The following RANBP2 variants were observed in gnomAD, a reference collection of about 807,000 sequenced individuals.
RANBP2 encodes E3 SUMO-protein ligase RanBP2.
Under a neutral mutation model 303.6 loss-of-function variants are expected in RANBP2, and 57 were observed. The ratio of observed to expected loss-of-function variants is 0.19; its 90% CI spans 0.15 to 0.23. The LOEUF is 0.23. RANBP2 is among the 10% of genes least tolerant of loss of function. The probability of loss-of-function intolerance (pLI) is 1.00; values close to 1 mark genes in which losing one functional copy is unlikely to be tolerated. For synonymous variants in RANBP2, 1,167 were observed against 1,301.5 expected, an observed-to-expected ratio of 0.90 and a Z score of 2.23; for missense variants, 3,138 against 3,780.8, an observed-to-expected ratio of 0.83 and a Z score of 4.46.
At chr2:109,165,855 G>T in the RANBP2 span, among the ~76,000 whole-genome samples, 1 of 152,208 alleles carries the variant, frequency 6.6e-6, no homozygotes, top group African/African-American at 2.4e-5. Context: ...TAGACATTCA[G>T]TGCTCTACGT....
At chr2:109,554,829 C>G in the RANBP2 span, among the ~76,000 whole-genome samples, 130 of 152,194 alleles carry the variant, frequency 8.5e-4, 1 homozygote, top group South Asian at 0.026. Flanking sequence ...AAATATGAAG[C>G]CACCCGTGTT....
At chr2:109,018,263 G>C in the RANBP2 span, among the ~76,000 whole-genome samples, 1 of 152,166 alleles carries the variant, frequency 6.6e-6, no homozygotes, top group African/African-American at 2.4e-5. Context: ...AACAGACCCA[G>C]CACTTAAGAT....
the RANBP2 span, among the ~76,000 whole-genome samples, chr2:109,195,145 A>T: frequency 1.7e-3 from 254 of 152,332 alleles, no homozygotes; most frequent in African/African-American, 5.7e-3. Context: ...ACTAATAGGA[A>T]AAAAAGGACA....
chr2:109,414,814 G>A, the RANBP2 span, among the ~76,000 whole-genome samples: 5 of 152,188 alleles, frequency 3.3e-5, no homozygotes, highest in South Asian at 2.1e-4. Flanking sequence ...CTAGAAACTC[G>A]GCCCATGCTC....
intron 6 of RANBP2, among the ~76,000 whole-genome samples, chr2:108,738,232 C>T (rs1695782318): frequency 6.6e-6 from 1 of 151,154 alleles, no homozygotes; most frequent in South Asian, 2.1e-4. Flanking sequence ...CCCGCCACCA[C>T]ACCCAGCTAA....
At chr2:109,258,597 C>A in the RANBP2 span, among the ~76,000 whole-genome samples, 1 of 152,224 alleles carries the variant, frequency 6.6e-6, no homozygotes, top group East Asian at 1.9e-4. Flanking sequence ...CGCAATTCCC[C>A]AGGCCGGGCC....
the RANBP2 span, among the ~76,000 whole-genome samples, chr2:109,113,344 C>T: frequency 6.6e-6 from 1 of 151,648 alleles, no homozygotes; most frequent in Non-Finnish European, 1.5e-5. Flanking sequence ...TGAAGAGGTC[C>T]TTCACGTCCC....
the RANBP2 span, among the ~76,000 whole-genome samples, chr2:109,688,884 C>A: frequency 6.7e-6 from 1 of 148,594 alleles, no homozygotes; most frequent in Non-Finnish European, 1.5e-5. Flanking sequence ...ATTTTCCTTC[C>A]TTCCTTCCTT....
the RANBP2 span, among the ~76,000 whole-genome samples, chr2:109,357,943 A>G: frequency 6.6e-6 from 1 of 152,274 alleles, no homozygotes; most frequent in African/African-American, 2.4e-5. Flanking sequence ...CTAAGCCTAT[A>G]GTCACTCTTG....
At chr2:109,545,396 A>G in the RANBP2 span, 1 of 1,535,140 alleles carries the variant, frequency 6.5e-7, no homozygotes, top group East Asian at 2.4e-5. Flanking sequence ...CCAAACCTAC[A>G]CGCCTTGCGA....
chr2:109,464,679 G>T, the RANBP2 span, among the ~76,000 whole-genome samples: 1 of 152,048 alleles, frequency 6.6e-6, no homozygotes, highest in Non-Finnish European at 1.5e-5. Context: ...ACAAATTTAG[G>T]TTCAGAGAAA....
At chr2:108,790,599 G>A (rs1299400650), downstream of RANBP2, among the ~76,000 whole-genome samples, 1 of 152,216 alleles carries the variant, frequency 6.6e-6, no homozygotes, top group African/African-American at 2.4e-5. Flanking sequence ...CTACTCGGGA[G>A]GCTGAGACAG....
chr2:109,075,205 C>T, the RANBP2 span, among the ~76,000 whole-genome samples: 1 of 149,482 alleles, frequency 6.7e-6, no homozygotes, highest in African/African-American at 2.4e-5. Context: ...TAGAAAAACC[C>T]CGCAAAATCA....
At chr2:109,053,627 T>C in the RANBP2 span, among the ~76,000 whole-genome samples, 5,703 of 152,302 alleles carry the variant, frequency 0.037, 125 homozygotes, top group Non-Finnish European at 0.04. Flanking sequence ...TGTCCCTGAC[T>C]GCCTGTCTGT....
the RANBP2 span, among the ~76,000 whole-genome samples, chr2:109,513,452 G>A: frequency 2.9e-5 from 3 of 102,570 alleles, no homozygotes; most frequent in Admixed American, 1.1e-4. Flanking sequence ...CATCACACAC[G>A]TGCACATATA....
chr2:109,463,144 T>C, the RANBP2 span, among the ~76,000 whole-genome samples: 2 of 152,240 alleles, frequency 1.3e-5, no homozygotes, highest in African/African-American at 4.8e-5. Context: ...GACTCTGTTT[T>C]GTGATTCAAG....
chr2:109,282,712 C>T, the RANBP2 span, among the ~76,000 whole-genome samples: 1 of 152,202 alleles, frequency 6.6e-6, no homozygotes, highest in African/African-American at 2.4e-5. Context: ...TTGCACTTAC[C>T]AGCTTTATGG....
the RANBP2 span, among the ~76,000 whole-genome samples, chr2:109,605,117 T>C: frequency 6.6e-6 from 1 of 152,228 alleles, no homozygotes; most frequent in African/African-American, 2.4e-5. Context: ...GAAGTTTCCA[T>C]TGATTCCTTG....
the RANBP2 span, among the ~76,000 whole-genome samples, chr2:109,374,824 G>A: frequency 3.3e-5 from 5 of 152,318 alleles, no homozygotes; most frequent in Middle Eastern, 3.4e-3. Flanking sequence ...CTCTCACCTC[G>A]CCTGGCCTCA....
Sources: allele counts gnomAD v4.1 joint callset (sites outside exome capture counted in the v4.1 genomes callset), GRCh38; gene constraint gnomAD v4.1.1; transcripts MANE v1.5; gene names NCBI Gene and HGNC (gene_info 2026-07-23, HGNC 2026-07-21).